Variants in WSB1 observed in about 807,000 individuals in gnomAD.
The protein encoded by WSB1 is WD repeat and SOCS box containing 1.
A neutral mutation model predicts 50.2 loss-of-function variants in WSB1; 23 were observed. The observed-to-expected ratio is 0.46, with a 90% confidence interval of 0.33 to 0.65. The LOEUF is 0.65. Among genes scored for constraint, WSB1 ranks in the 30% least tolerant of loss-of-function variants. WSB1 has a pLI of 0.02. For synonymous variants in WSB1, 179 were observed against 172.0 expected (o/e 1.04, Z -0.32); for missense variants, 492 against 522.3 (o/e 0.94, Z 0.56).
At chr17:27,309,673 C>G (rs1246071083) in intron 6 of WSB1, among the ~76,000 whole-genome samples, 1 of 151,974 alleles carries the variant, frequency 6.6e-6, no homozygotes, top group East Asian at 1.9e-4. Context: ...ACCTCCACCT[C>G]CTGGGTTCAA....
At chr17:27,297,290 C>G (rs1249216371) in intron 1 of WSB1, 1 of 152,070 alleles carries the variant, frequency 6.6e-6, no homozygotes, top group Non-Finnish European at 1.5e-5. Context: ...CTCACCCTCC[C>G]GAGTAGCTGG....
chr17:27,311,519 TTC>T lies in WSB1; in HGVS notation c.1011_1012del (p.Phe337LeufsTer4). Reference protein sequence around the residue: ...ASLADDKMVRFWRIDEDYPVQ... With the variant: ...ASLADDKMVRXWRIDEDYPVQ... ...TTATTTCATTTTCAGAATGGTGAGGTTCTGGAGAATTGATGAGGATTATCCAG... is the reference window on the plus strand; with the variant it reads ...TTATTTCATTTTCAGAATGGTGAGGTTGGAGAATTGATGAGGATTATCCAG... On this transcript the variant is annotated frameshift_variant, in exon 8 of 9. Transcript: ENST00000262394. LOFTEE classifies it high-confidence loss of function. The T allele has an allele frequency of 4.4e-6, 7 of 1,600,256 alleles. No homozygotes were observed. The highest frequency in any genetic ancestry group is 6.0e-6 in the Non-Finnish European group (7 of 1,176,020).
At chr17:27,306,196 T>C (rs930738576) in intron 4 of WSB1, among the ~76,000 whole-genome samples, 10 of 146,936 alleles carry the variant, frequency 6.8e-5, no homozygotes, top group African/African-American at 2.5e-4. Context: ...ACTAAAAGAA[T>C]TCTGTCTTTT....
In WSB1 at chr17:27,314,825, C is replaced by T. The variant is rs1187846756; in HGVS notation, c.*2456C>T. 1 of 151,928 alleles carries T rather than the reference C, an allele frequency of 6.6e-6. No homozygotes were observed. Among genetic ancestry groups the T allele is most frequent in the Non-Finnish European group, 1.5e-5 (1 of 68,026 alleles). The allele number at this position is 151,928 out of a possible 1,614,324, so 9.4% of individuals were successfully genotyped here. A position where few individuals can be genotyped will look rare whatever the true frequency, so the allele number is the denominator to read the frequency against. On this transcript the variant is annotated 3_prime_UTR_variant, in exon 9 of 9. Transcript: ENST00000262394. ...GGATTACAGGCGCTCCCCCACCACG[C>T]CCAGCTAATTTTTGTTGTATTTTTA...
In WSB1 at chr17:27,306,819, G is replaced by T; in HGVS notation, c.648G>T (p.Trp216Cys). The change falls in exon 5 of 9, where the codon TGG (tryptophan) becomes TGT (cysteine). Residue 216 changes from tryptophan to cysteine, a missense_variant. Transcript: ENST00000262394. ...AAGTATTGAGGGGGCATCAGAATTGGGTGTACAGCTGTGCATTCTCTCCTG... is the reference window on the plus strand; with the variant it reads ...AAGTATTGAGGGGGCATCAGAATTGTGTGTACAGCTGTGCATTCTCTCCTG... ...MMKVLRGHQN[W>C]VYSCAFSPDS... 1 of 1,614,086 alleles carries T rather than the reference G, an allele frequency of 6.2e-7. No homozygotes were observed. Among genetic ancestry groups the T allele is most frequent in the Non-Finnish European group, 8.5e-7 (1 of 1,180,014 alleles).
At chr17:27,307,655 T>C (rs2017514422) in intron 5 of WSB1, 42 of 1,360,194 alleles carry the variant, frequency 3.1e-5, no homozygotes, top group Non-Finnish European at 4.2e-5. Flanking sequence ...TTTAGTTCTT[T>C]ACAAATCATA....
At chr17:27,301,648 G>T (rs565328510) in intron 1 of WSB1, 140 bp from the exon 2 acceptor site, 16 of 746,494 alleles carry the variant, frequency 2.1e-5, no homozygotes, top group Non-Finnish European at 3.4e-5. Flanking sequence ...CATACCCCCC[G>T]TTAGAGGATG....
In WSB1 at chr17:27,311,400, G is replaced by A. The variant is rs1039816261; in HGVS notation, c.999-109G>A. On this transcript the variant is annotated intron_variant, in intron 7 of 8. Transcript: ENST00000262394. ...TATTATAATTGCCTGTTGGTGTGAT[G>A]TGTGTATTTTGTGACTCATAACTCA... 17 of 693,880 alleles carry A rather than the reference G, an allele frequency of 2.4e-5. No homozygotes were observed. In the Admixed American group the frequency reaches 3.5e-4, roughly 14 times the overall value. 43.0% of individuals were successfully genotyped at this position (693,880 alleles called of 1,614,324 possible).
intron 4 of WSB1, 149 bp downstream of exon 4, chr17:27,305,060 A>G: frequency 1.1e-6 from 1 of 950,948 alleles, no homozygotes; most frequent in East Asian, 2.6e-5. Flanking sequence ...CCTTTCCTGA[A>G]TAGATCAAAG....
chr17:27,299,863 G>A (rs372767297), intron 1 of WSB1, among the ~76,000 whole-genome samples: 5 of 152,158 alleles, frequency 3.3e-5, no homozygotes, highest in South Asian at 2.1e-4. Flanking sequence ...TGAGTGGGTA[G>A]AGTGGTAGGA....
chr17:27,294,878 G>A (rs1163165380), intron 1 of WSB1, among the ~76,000 whole-genome samples: 1 of 152,198 alleles, frequency 6.6e-6, no homozygotes, highest in Non-Finnish European at 1.5e-5. Context: ...GAAATGAGAT[G>A]GAAGAGGTCC....
chr17:27,306,942 T>TACA (rs2017487613), intron 5 of WSB1, 60 bp downstream of exon 5: 3 of 1,506,612 alleles, frequency 2.0e-6, no homozygotes, highest in Non-Finnish European at 2.8e-6. Flanking sequence ...GTGTGCATAA[T>TACA]CATTTTAAAT....
chr17:27,311,633 CTTTTTTTTTTTTTTTTT>C lies in WSB1; in HGVS notation c.1106+27_1106+43del. Reference sequence around the variant, plus strand: ...AGCTGCTGGGTAAATATATTTTTCTCTTTTTTTTTTTTTTTTTTTTTTTTTTGAGATGTAGTCTCCCA... The same window carrying C: ...AGCTGCTGGGTAAATATATTTTTCTCTTTTTTTTTGAGATGTAGTCTCCCA... On this transcript the variant is annotated intron_variant, in intron 8 of 8. Coordinates refer to ENST00000262394, the MANE Select transcript of WSB1 (RefSeq NM_015626.10). 1 of 490,708 alleles carries C rather than the reference CTTTTTTTTTTTTTTTTT, an allele frequency of 2.0e-6. No homozygotes were observed. The highest frequency in any genetic ancestry group is 2.9e-6 in the Non-Finnish European group (1 of 341,546). The allele number at this position is 490,708 out of a possible 1,614,324, so 30.4% of individuals were successfully genotyped here. A position where few individuals can be genotyped will look rare whatever the true frequency, so the allele number is the denominator to read the frequency against.
intron 1 of WSB1, among the ~76,000 whole-genome samples, chr17:27,296,451 G>C (rs1415576704): frequency 6.6e-6 from 1 of 151,962 alleles, no homozygotes; most frequent in Non-Finnish European, 1.5e-5. Context: ...CTATGAATAA[G>C]GATTTACTTT....
chr17:27,306,733 C>A, intron 4 of WSB1, 49 bp from the exon 5 acceptor site: 2 of 1,564,718 alleles, frequency 1.3e-6, no homozygotes, highest in Non-Finnish European at 1.8e-6. Context: ...AAATACTGCT[C>A]ATTTGAAGTG....
chr17:27,304,466 A>G (rs1219777780), intron 3 of WSB1, among the ~76,000 whole-genome samples: 1 of 146,662 alleles, frequency 6.8e-6, no homozygotes, highest in African/African-American at 2.5e-5. Context: ...TGGGAGGCCA[A>G]AGCTGGGGGA....
At position 27,313,373 on chromosome 17, in the gene WSB1, G is replaced by A. The variant is rs543499120; in HGVS notation, c.*1004G>A. Reference sequence around the variant, plus strand: ...AAATTGTTGTGAATTTGAAGAATCCGTCTACTGTATTATTGCTAAATATTT... The same window carrying A: ...AAATTGTTGTGAATTTGAAGAATCCATCTACTGTATTATTGCTAAATATTT... On this transcript the variant is annotated 3_prime_UTR_variant, in exon 9 of 9. Transcript: ENST00000262394. The A allele has an allele frequency of 4.0e-5, 6 of 148,268 alleles. No homozygotes were observed. The highest frequency in any genetic ancestry group is 8.9e-5 in the Non-Finnish European group (6 of 67,574). 9.2% of individuals were successfully genotyped at this position (148,268 alleles called of 1,614,324 possible). A position where few individuals can be genotyped will look rare whatever the true frequency, so the allele number is the denominator to read the frequency against.
chr17:27,311,780 C>T (rs1475464475), intron 8 of WSB1, among the ~76,000 whole-genome samples, 164 bp downstream of exon 8: 1 of 151,692 alleles, frequency 6.6e-6, no homozygotes, highest in East Asian at 1.9e-4. Flanking sequence ...TACAGGTGCA[C>T]ACCACCAGTC....
intron 1 of WSB1, among the ~76,000 whole-genome samples, chr17:27,295,373 T>C (rs1369138557): frequency 6.6e-6 from 1 of 152,190 alleles, no homozygotes. Flanking sequence ...GGAGGAGTTA[T>C]TTCTAGAGAA....
Sources: allele counts gnomAD v4.1 joint callset (sites outside exome capture counted in the v4.1 genomes callset), GRCh38; gene constraint gnomAD v4.1.1; transcripts MANE v1.5; gene names NCBI Gene and HGNC (gene_info 2026-07-23, HGNC 2026-07-21).